CTNNA3: variants seen among roughly 807,000 people sequenced by gnomAD.
The protein encoded by CTNNA3 is catenin alpha-3.
Under a neutral mutation model 95.7 loss-of-function variants are expected in CTNNA3, and 76 were observed. The observed-to-expected ratio is 0.79, with a 90% confidence interval of 0.66 to 0.96. The LOEUF is 0.96. Ranked by LOEUF, CTNNA3 falls within the 40% of genes least tolerant of loss-of-function variation. CTNNA3 has a pLI of 0.00. For synonymous variants in CTNNA3, 431 were observed against 374.4 expected, an observed-to-expected ratio of 1.15 and a Z score of -1.74; for missense variants, 1,191 against 1,089.8, an observed-to-expected ratio of 1.09 and a Z score of -1.31.
chr10:67,552,185 TACG>T (rs1053697530), intron 3 of CTNNA3, among the ~76,000 whole-genome samples: 13 of 152,280 alleles, frequency 8.5e-5, no homozygotes, highest in East Asian at 1.9e-4. Context: ...AAGAATACAA[TACG>T]ACAATTCAAG....
At chr10:66,071,491 A>G (rs111825832) in intron 14 of CTNNA3, among the ~76,000 whole-genome samples, 79 of 102,164 alleles carry the variant, frequency 7.7e-4, no homozygotes, top group African/African-American at 2.7e-3. Flanking sequence ...TCAAGATTAT[A>G]GTGTCAGTCA....
At chr10:67,489,802 A>C (rs553198166) in intron 5 of CTNNA3, among the ~76,000 whole-genome samples, 66 of 149,218 alleles carry the variant, frequency 4.4e-4, no homozygotes, top group Non-Finnish European at 8.9e-4. Context: ...ATATATATAT[A>C]TATACACACA....
At chr10:66,769,322 G>C (rs4512726) in intron 8 of CTNNA3, among the ~76,000 whole-genome samples, 6 of 151,958 alleles carry the variant, frequency 3.9e-5, no homozygotes, top group African/African-American at 1.4e-4. Flanking sequence ...CATGGTCAGA[G>C]GCAGGGATGT....
intron 5 of CTNNA3, among the ~76,000 whole-genome samples, chr10:67,392,696 C>T (rs1844552508): frequency 1.3e-5 from 2 of 152,078 alleles, no homozygotes; most frequent in African/African-American, 4.8e-5. Flanking sequence ...GAAAATGTGG[C>T]ACATATACAC....
chr10:67,385,549 A>C (rs1844121270), intron 5 of CTNNA3, among the ~76,000 whole-genome samples: 1 of 152,198 alleles, frequency 6.6e-6, no homozygotes, highest in African/African-American at 2.4e-5. Flanking sequence ...AGTTTGCACC[A>C]CTGTTACCTT....
chr10:66,685,284 A>AT (rs1847230189), intron 9 of CTNNA3, among the ~76,000 whole-genome samples: 4 of 73,054 alleles, frequency 5.5e-5, no homozygotes, highest in African/African-American at 1.1e-4. Context: ...CGTATATATA[A>AT]GTATATATAT....
At chr10:67,132,992 C>A (rs916066149) in intron 7 of CTNNA3, among the ~76,000 whole-genome samples, 3 of 151,612 alleles carry the variant, frequency 2.0e-5, no homozygotes, top group Non-Finnish European at 4.4e-5. Context: ...AAAATATGTT[C>A]TAATATTTGA....
chr10:66,172,443 ATTGT>A lies in CTNNA3; in HGVS notation c.1885-69198_1885-69195del, dbSNP rs1441521984. ...AATATGTTTTACATTATCCTATGTA[ATTGT>A]TTGTTTTTAATTTTAGACTTAACAT... On this transcript the variant is annotated intron_variant, in intron 13 of 17. Transcript: ENST00000433211. Among the ~76,000 whole-genome samples, 7 of 152,018 alleles carry A rather than the reference ATTGT, an allele frequency of 4.6e-5. No individual in the cohort carries two copies. The East Asian group carries it at 5.8e-4, about 13-fold the overall frequency.
intron 10 of CTNNA3, among the ~76,000 whole-genome samples, chr10:66,571,630 C>G (rs1842870325): frequency 6.6e-6 from 1 of 152,036 alleles, no homozygotes; most frequent in Non-Finnish European, 1.5e-5. Flanking sequence ...ATATGGCAGA[C>G]TAATGAACAA....
chr10:66,110,360 T>TAAAA (rs35402161), intron 13 of CTNNA3, among the ~76,000 whole-genome samples: 1 of 104,886 alleles, frequency 9.5e-6, no homozygotes. Context: ...AGACTCTGTC[T>TAAAA]AAAAAAAAAA....
At chr10:66,145,306 A>G (rs1290588083) in intron 13 of CTNNA3, among the ~76,000 whole-genome samples, 2 of 152,174 alleles carry the variant, frequency 1.3e-5, no homozygotes. Context: ...AGGGGAATGT[A>G]CATTAGCACC....
chr10:67,347,060 T>C (rs1295516603), intron 5 of CTNNA3, among the ~76,000 whole-genome samples: 1 of 146,360 alleles, frequency 6.8e-6, no homozygotes, highest in Non-Finnish European at 1.5e-5. Flanking sequence ...TAAGTAATCC[T>C]AGAATTTTTT....
chr10:67,762,589 C>T (rs1246073508), intron 1 of CTNNA3, among the ~76,000 whole-genome samples: 1 of 152,100 alleles, frequency 6.6e-6, no homozygotes, highest in African/African-American at 2.4e-5. Context: ...CAAAATACAA[C>T]GAGTAAAATT....
chr10:66,830,900 C>T (rs1022609288), intron 7 of CTNNA3, among the ~76,000 whole-genome samples: 14 of 152,108 alleles, frequency 9.2e-5, no homozygotes, highest in East Asian at 1.9e-4. Flanking sequence ...TGAGCCACCG[C>T]GCCTGGCCTA....
chr10:66,803,392 A>G (rs1841506959), intron 7 of CTNNA3, among the ~76,000 whole-genome samples: 1 of 152,046 alleles, frequency 6.6e-6, no homozygotes, highest in South Asian at 2.1e-4. Flanking sequence ...GACTCTGCAG[A>G]GACCTCACTT....
At chr10:67,049,028 TG>T (rs1443158846) in intron 7 of CTNNA3, among the ~76,000 whole-genome samples, 1 of 15,582 alleles carries the variant, frequency 6.4e-5, no homozygotes, top group Non-Finnish European at 1.1e-4. Flanking sequence ...TGATGATAAC[TG>T]GTTTTTTTTT....
At chr10:67,016,107 A>G (rs549005071) in intron 7 of CTNNA3, among the ~76,000 whole-genome samples, 35 of 152,076 alleles carry the variant, frequency 2.3e-4, no homozygotes, top group Middle Eastern at 3.4e-3. Flanking sequence ...CACTTGTGTC[A>G]TTTATTTGCT....
rs2077036850 is a variant in CTNNA3 at position 65,918,708 on chromosome 10, G to A, written c.*1622C>T. 6.6e-6 allele frequency: 1 copy of A among 152,124 alleles called. No individual in the cohort carries two copies. 9.4% of individuals were successfully genotyped at this position (152,124 alleles called of 1,614,324 possible). A position where few individuals can be genotyped will look rare whatever the true frequency, so the allele number is the denominator to read the frequency against. On this transcript the variant is annotated 3_prime_UTR_variant, in exon 18 of 18. Transcript: ENST00000433211. Reference sequence around the variant, plus strand: ...TTTTACACTGAGCTCAGGCAATCCAGCTACTTGGAAGATTGAAATAATTCA... The same window carrying A: ...TTTTACACTGAGCTCAGGCAATCCAACTACTTGGAAGATTGAAATAATTCA...
chr10:66,399,104 T>C (rs755919338), intron 11 of CTNNA3, among the ~76,000 whole-genome samples: 1 of 151,994 alleles, frequency 6.6e-6, no homozygotes, highest in Non-Finnish European at 1.5e-5. Flanking sequence ...CCCTGTTGCT[T>C]AAGGTTAGAT....
Sources: gnomAD v4.1 joint callset for allele counts (sites outside exome capture counted in the v4.1 genomes callset) on GRCh38, gnomAD v4.1.1 for gene constraint, MANE v1.5 for transcripts, NCBI Gene and HGNC (gene_info 2026-07-23, HGNC 2026-07-21) for gene names.